Variants in STAT4 observed in about 807,000 individuals in gnomAD.
STAT4 encodes the protein signal transducer and activator of transcription 4.
STAT4 carries 42 observed loss-of-function variants against 110.5 expected under a neutral mutation model. The ratio of observed to expected loss-of-function variants is 0.38; its 90% CI spans 0.30 to 0.49. The LOEUF (loss-of-function observed/expected upper bound fraction) is 0.49. Among genes scored for constraint, STAT4 ranks in the 20% least tolerant of loss-of-function variants. The probability of loss-of-function intolerance (pLI) is 0.95; values close to 1 mark genes in which losing one functional copy is unlikely to be tolerated. For synonymous variants in STAT4, 284 were observed against 302.2 expected (o/e 0.94, Z 0.63); for missense variants, 632 against 887.9 (o/e 0.71, Z 3.66).
chr2:191,048,615 A>C (rs1033002560), intron 14 of STAT4, among the ~76,000 whole-genome samples: 1 of 109,808 alleles, frequency 9.1e-6, no homozygotes, highest in African/African-American at 2.7e-5. Flanking sequence ...GTCTCTACCA[A>C]AAAAAAAAAA....
At position 191,091,996 on chromosome 2, in the gene STAT4, G is replaced by C. The variant is rs1444158416; in HGVS notation, c.274-15671C>G. On this transcript the variant is annotated intron_variant, in intron 3 of 23. Coordinates refer to ENST00000392320, the MANE Select transcript of STAT4 (RefSeq NM_003151.4). This position sits in a 1 kb window ranked among gnomAD's most constrained non-coding sequence, Gnocchi z 5.4. ...AGTTGTGGAATAAAATATTAAATAAGAAAATTAATGTATGAAAAGATGGTT... is the reference window on the plus strand; with the variant it reads ...AGTTGTGGAATAAAATATTAAATAACAAAATTAATGTATGAAAAGATGGTT... Among the ~76,000 whole-genome samples, 1 of 152,134 alleles carries C rather than the reference G, an allele frequency of 6.6e-6. No individual in the cohort carries two copies. Among genetic ancestry groups the C allele is most frequent in the Non-Finnish European group, 1.5e-5 (1 of 68,018 alleles).
intron 3 of STAT4, among the ~76,000 whole-genome samples, chr2:191,137,233 C>G (rs1699204532): frequency 6.6e-6 from 1 of 151,998 alleles, no homozygotes; most frequent in Non-Finnish European, 1.5e-5. Context: ...GTCCCAGCTA[C>G]TCTTCTCGGG....
intron 3 of STAT4, among the ~76,000 whole-genome samples, chr2:191,124,281 C>G (rs960178986): frequency 3.3e-5 from 5 of 151,840 alleles, no homozygotes; most frequent in African/African-American, 1.2e-4. Flanking sequence ...ATGGTGAAAC[C>G]CCGTCTCTAC....
chr2:191,056,356 G>A (rs1238365511), intron 13 of STAT4, among the ~76,000 whole-genome samples: 1 of 152,198 alleles, frequency 6.6e-6, no homozygotes, highest in Non-Finnish European at 1.5e-5. Flanking sequence ...AGGTCAAGAG[G>A]AAGTGGTAAA....
rs776346248 is a variant in STAT4 at position 191,147,269 on chromosome 2, T to C, written c.129-512A>G. Among the ~76,000 whole-genome samples, 2 of 152,214 alleles carry C rather than the reference T, an allele frequency of 1.3e-5. No individual in the cohort carries two copies. Among genetic ancestry groups the C allele is most frequent in the Non-Finnish European group, 2.9e-5 (2 of 68,020 alleles). On this transcript the variant is annotated intron_variant, in intron 2 of 23. Transcript: ENST00000392320. The surrounding 1 kb of genome is among the most constrained non-coding windows in gnomAD (Gnocchi z 4.1). ...AACAACCCAAATGTCCATTGACAGA[T>C]ACATTTATAAAACAAAATGTGATAT...
At position 191,091,967 on chromosome 2, in the gene STAT4, A is replaced by G. The variant is rs1697809478; in HGVS notation, c.274-15642T>C. Among the ~76,000 whole-genome samples, 1 of 152,254 alleles carries G rather than the reference A, an allele frequency of 6.6e-6. No homozygotes were observed. Among genetic ancestry groups the G allele is most frequent in the African/African-American group, 2.4e-5 (1 of 41,462 alleles). On this transcript the variant is annotated intron_variant, in intron 3 of 23. Transcript: ENST00000392320. The surrounding 1 kb of genome is among the most constrained non-coding windows in gnomAD (Gnocchi z 5.4). ...TATAACTAGATTAGCAGAGCATAAT[A>G]GAGAGTTGTGGAATAAAATATTAAA...
At position 191,064,901 on chromosome 2, in the gene STAT4, T is replaced by C; in HGVS notation, c.688A>G (p.Met230Val). ...CAGTCTTGCAGCTCTTCTATGAGCA[T>C]GGTGTTCATTAACAGGTCTGTCTCA... ...IHETDLLMNT[M>V]LIEELQDWKR... The change falls in exon 8 of 24, where the codon ATG becomes GTG. Residue 230 changes from methionine to valine, a missense_variant. By Grantham distance (21) the Met-to-Val change is conservative. Transcript: ENST00000392320. 6.2e-7 allele frequency: 1 copy of C among 1,613,270 alleles called. No individual in the cohort carries two copies. Among genetic ancestry groups the C allele is most frequent in the Non-Finnish European group, 8.5e-7 (1 of 1,179,612 alleles).
chr2:191,101,689 AT>A (rs966537417), intron 3 of STAT4, among the ~76,000 whole-genome samples: 14 of 151,206 alleles, frequency 9.3e-5, no homozygotes, highest in Non-Finnish European at 1.6e-4. Context: ...ACTACTGGTC[AT>A]TTTTTTTTGT....
intron 3 of STAT4, among the ~76,000 whole-genome samples, chr2:191,108,631 T>G (rs181215526): frequency 5.6e-4 from 85 of 152,284 alleles, no homozygotes; most frequent in Non-Finnish European, 1.0e-3. Context: ...TAAAAGCACA[T>G]GGATTTTTCT....
rs1030070354 is a variant in STAT4 at position 191,150,267 on chromosome 2, A to G, written c.-2+680T>C. The stretch of plus-strand genomic sequence containing the variant: ...AATACATAGTCCTAGGACATTTTCT[A>G]TTGCAGCCTCTGGGAACGCCTTTAG... On this transcript the variant is annotated intron_variant, in intron 1 of 23. Coordinates refer to ENST00000392320, the MANE Select transcript of STAT4 (RefSeq NM_003151.4). The surrounding 1 kb of genome is among the most constrained non-coding windows in gnomAD (Gnocchi z 6.4). Among the ~76,000 whole-genome samples, 1 of 152,194 alleles carries G rather than the reference A, an allele frequency of 6.6e-6. No homozygotes were observed. Among genetic ancestry groups the G allele is most frequent in the Non-Finnish European group, 1.5e-5 (1 of 68,020 alleles).
At chr2:191,054,350 C>A (rs1446779108) in intron 14 of STAT4, 140 bp downstream of exon 14, 3 of 667,132 alleles carry the variant, frequency 4.5e-6, no homozygotes, top group Non-Finnish European at 7.4e-6. Context: ...ATATTGTCTG[C>A]AATTATCAAG....
intron 3 of STAT4, among the ~76,000 whole-genome samples, chr2:191,092,451 C>T (rs749504697): frequency 1.3e-4 from 20 of 150,656 alleles, no homozygotes; most frequent in African/African-American, 2.0e-4. Flanking sequence ...CCAAATTTTA[C>T]GTAACAGATA....
At chr2:191,048,788 CAAAAAAAAAAAAAAAAA>C (rs60267174) in intron 14 of STAT4, among the ~76,000 whole-genome samples, 1 of 48,768 alleles carries the variant, frequency 2.1e-5, no homozygotes, top group Admixed American at 3.9e-4. Flanking sequence ...AACTCCATCT[CAAAAAAAAAAAAAAAAA>C]AAAAAAAAAA....
Position 191,032,109 on chromosome 2 carries a change from A to G in STAT4, c.2045-593T>C, listed in dbSNP as rs1373465145. ...TTATTTCATTTTTATCAGTTGTTGA[A>G]AGTCACTGAAAAGCCACAGGTTTGT... On this transcript the variant is annotated intron_variant, in intron 21 of 23. Transcript: ENST00000392320. This position sits in a 1 kb window ranked among gnomAD's most constrained non-coding sequence, Gnocchi z 4.9. The G allele has an allele frequency of 6.6e-6, 1 of 152,242 alleles. No individual in the cohort carries two copies. The highest frequency in any genetic ancestry group is 1.5e-5 in the Non-Finnish European group (1 of 68,070). The allele number at this position is 152,242 out of a possible 1,614,324, so 9.4% of individuals were successfully genotyped here.
At position 191,029,792 on chromosome 2, in the gene STAT4, TAAACTTTTTC is replaced by T; in HGVS notation, c.*38_*47del. ...TGGTTATTGGGCAAAGAACAGTCTTTAAACTTTTTCATTTGCTTCCTTTCTTGGTGCGTCA... is the reference window on the plus strand; with the variant it reads ...TGGTTATTGGGCAAAGAACAGTCTTTATTTGCTTCCTTTCTTGGTGCGTCA... On this transcript the variant is annotated 3_prime_UTR_variant, in exon 24 of 24. Coordinates refer to ENST00000392320, the MANE Select transcript of STAT4 (RefSeq NM_003151.4). The surrounding 1 kb of genome is among the most constrained non-coding windows in gnomAD (Gnocchi z 4.5). The T allele has an allele frequency of 6.4e-7, 1 of 1,569,562 alleles. No individual in the cohort carries two copies. Among genetic ancestry groups the T allele is most frequent in the Non-Finnish European group, 8.7e-7 (1 of 1,148,030 alleles).
chr2:191,081,933 T>C (rs760343249), intron 3 of STAT4, among the ~76,000 whole-genome samples: 1 of 152,190 alleles, frequency 6.6e-6, no homozygotes, highest in Non-Finnish European at 1.5e-5. Context: ...TGCATCATGC[T>C]GGAAGTTAAG....
chr2:191,073,688 T>A (rs1574130626), intron 4 of STAT4, among the ~76,000 whole-genome samples: 1 of 150,902 alleles, frequency 6.6e-6, no homozygotes. Context: ...AGACTCCGTC[T>A]CAAACAAACA....
Position 191,150,789 on chromosome 2 carries a change from G to C in STAT4, c.-2+158C>G, listed in dbSNP as rs576500328. Among the ~76,000 whole-genome samples, 2 of 152,348 alleles carry C rather than the reference G, an allele frequency of 1.3e-5. No individual in the cohort carries two copies. Among genetic ancestry groups the C allele is most frequent in the African/African-American group, 4.8e-5 (2 of 41,578 alleles). ...CCGTGCCAGGGCGCATCTGTGGGTC[G>C]TGGAGTCGGGCGCTTCCTTCTATAA... On this transcript the variant is annotated intron_variant, in intron 1 of 23. Coordinates refer to ENST00000392320, the MANE Select transcript of STAT4 (RefSeq NM_003151.4). This position sits in a 1 kb window ranked among gnomAD's most constrained non-coding sequence, Gnocchi z 6.4.
chr2:191,151,590 T>G (rs1699590914), upstream of STAT4: 2 of 985,518 alleles, frequency 2.0e-6, no homozygotes, highest in Non-Finnish European at 2.4e-6. The surrounding 1 kb of genome is among the most constrained non-coding windows in gnomAD (Gnocchi z 4.7). Context: ...TGAGTAGCCT[T>G]GCCCCTGGTT....
Sources: allele counts gnomAD v4.1 joint callset (sites outside exome capture counted in the v4.1 genomes callset), GRCh38; gene constraint gnomAD v4.1.1; non-coding constraint Gnocchi (gnomAD v3.1); transcripts MANE v1.5; gene names NCBI Gene and HGNC (gene_info 2026-07-23, HGNC 2026-07-21).